Variants in MYRF observed in about 807,000 individuals in gnomAD.
MYRF encodes myelin regulatory factor.
In MYRF, 16 loss-of-function variants were observed where a neutral mutation model predicts 126.3. The ratio of observed to expected loss-of-function variants is 0.13; its 90% confidence interval spans 0.09 to 0.19. The LOEUF (loss-of-function observed/expected upper bound fraction) is 0.19. MYRF is among the 10% of genes least tolerant of loss of function. MYRF has a pLI of 1.00. For synonymous variants in MYRF, 608 were observed against 635.3 expected, an observed-to-expected ratio of 0.96 and a Z score of 0.65; for missense variants, 1,104 against 1,547.0, an observed-to-expected ratio of 0.71 and a Z score of 4.80.
chr11:61,783,471 C>T lies in MYRF; in HGVS notation c.3017-27C>T. On this transcript the variant is annotated intron_variant, in intron 22 of 26. Coordinates refer to ENST00000278836, the MANE Select transcript of MYRF (RefSeq NM_001127392.3). The surrounding 1 kb of genome is among the most constrained non-coding windows in gnomAD (Gnocchi z 4.6). ...TGCCAGCTTCTCATTTGTGTCCTGC[C>T]TTGTCACCTTACTCCTGCCCCAACA... 1.3e-6 allele frequency: 2 copies of T among 1,579,206 alleles called. No individual in the cohort carries two copies. Among genetic ancestry groups the T allele is most frequent in the Non-Finnish European group, 1.7e-6 (2 of 1,149,938 alleles).
intron 3 of MYRF, chr11:61,767,014 C>G: frequency 2.2e-6 from 1 of 456,666 alleles, no homozygotes; most frequent in Non-Finnish European, 4.4e-6. Flanking sequence ...GCCTCAGTTT[C>G]TTCTGTGAAG....
At chr11:61,779,206 G>A (rs747470486) in intron 14 of MYRF, 57 bp from the exon 15 acceptor site, 17 of 1,498,432 alleles carry the variant, frequency 1.1e-5, no homozygotes, top group Admixed American at 4.3e-5. Context: ...TGGGGCTCCC[G>A]GGGCTGACTG....
rs574895492 is a variant in MYRF, at chr11:61,758,450, C to T, written c.46+5660C>T. Among the ~76,000 whole-genome samples the T allele has an allele frequency of 6.4e-4, 97 of 152,184 alleles. 3 individuals are homozygous for T. In the South Asian group the frequency reaches 0.017, roughly 27 times the overall value. On this transcript the variant is annotated intron_variant, in intron 1 of 26. Transcript: ENST00000278836. ...TCACTCAGTGGGGCCTGGCTCCAGC[C>T]GGAGCTGCTTAGGGAGGGTCTGACA...
At chr11:61,775,921 AT>A in intron 8 of MYRF, 134 bp from the exon 9 acceptor site, 2 of 754,970 alleles carry the variant, frequency 2.6e-6, no homozygotes, top group Non-Finnish European at 4.5e-6. Context: ...GCTTGTGGGA[AT>A]CGCGGCTGAG....
intron 1 of MYRF, among the ~76,000 whole-genome samples, chr11:61,763,312 T>C (rs2065953176): frequency 1.3e-5 from 2 of 152,138 alleles, no homozygotes; most frequent in African/African-American, 4.8e-5. Context: ...TATCTGAACA[T>C]CCCCACTGTT....
chr11:61,770,991 G>A (rs748746357), intron 5 of MYRF, among the ~76,000 whole-genome samples: 1 of 152,214 alleles, frequency 6.6e-6, no homozygotes, highest in Non-Finnish European at 1.5e-5. Flanking sequence ...TTCCATGAAA[G>A]GTTTAGTTCA....
Position 61,778,781 on chromosome 11 carries a change from A to G in MYRF, c.2013+292A>G. 1.7e-6 allele frequency: 1 copy of G among 592,354 alleles called. No homozygotes were observed. The highest frequency in any genetic ancestry group is 1.5e-5 in the South Asian group (1 of 65,826). 36.7% of individuals were successfully genotyped at this position (592,354 alleles called of 1,614,324 possible). A position where few individuals can be genotyped will look rare whatever the true frequency, so the allele number is the denominator to read the frequency against. On this transcript the variant is annotated intron_variant, in intron 14 of 26. Coordinates refer to ENST00000278836, the MANE Select transcript of MYRF (RefSeq NM_001127392.3). The surrounding 1 kb of genome is among the most constrained non-coding windows in gnomAD (Gnocchi z 4.6). ...AAAATGAGGGCGGTAATAGAACTGCACAGACATCCTCGTATGGTTACCTCC... is the reference window on the plus strand; with the variant it reads ...AAAATGAGGGCGGTAATAGAACTGCGCAGACATCCTCGTATGGTTACCTCC...
At chr11:61,772,413 G>C (rs959796949) in intron 7 of MYRF, among the ~76,000 whole-genome samples, 1 of 152,228 alleles carries the variant, frequency 6.6e-6, no homozygotes, top group Non-Finnish European at 1.5e-5. Context: ...GCCGCAGGCC[G>C]GGAGCCCTGT....
At chr11:61,780,117 C>A in intron 17 of MYRF, 105 bp from the exon 18 acceptor site, 1 of 1,403,096 alleles carries the variant, frequency 7.1e-7, no homozygotes. Context: ...TTGTAGGCAT[C>A]ACCTGGGAGC....
Position 61,752,657 on chromosome 11 carries a change from C to G in MYRF, c.-88C>G, listed in dbSNP as rs1453916665. On this transcript the variant is annotated 5_prime_UTR_variant, in exon 1 of 27. Transcript: ENST00000278836. ...GACCGTAGCCGGAGCCCAGCCGGGA[C>G]TGTCGCGCGGGCCGCGCCGGCGATG... 2 of 1,072,526 alleles carry G rather than the reference C, an allele frequency of 1.9e-6. No homozygotes were observed. Among genetic ancestry groups the G allele is most frequent in the Non-Finnish European group, 2.4e-6 (2 of 848,140 alleles). The allele number at this position is 1,072,526 out of a possible 1,614,324, so 66.4% of individuals were successfully genotyped here. A position where few individuals can be genotyped will look rare whatever the true frequency, so the allele number is the denominator to read the frequency against.
intron 1 of MYRF, among the ~76,000 whole-genome samples, chr11:61,756,041 A>T (rs942938850): frequency 6.6e-6 from 1 of 152,176 alleles, no homozygotes; most frequent in African/African-American, 2.4e-5. Context: ...GTTGGACCAG[A>T]GCAGGGGCTT....
In MYRF at chr11:61,771,456, T is replaced by C. The variant is rs2066216417; in HGVS notation, c.741-44T>C. ...GTGGATACTACCCAGTGGGAGGGGC[T>C]CGGGGAGAGCCAGCCCCCACGGCGC... On this transcript the variant is annotated intron_variant, in intron 5 of 26. Coordinates refer to ENST00000278836, the MANE Select transcript of MYRF (RefSeq NM_001127392.3). 3.2e-6 allele frequency: 5 copies of C among 1,584,040 alleles called. No homozygotes were observed. The East Asian group carries it at 9.0e-5, about 28-fold the overall frequency.
chr11:61,779,374 C>G lies in MYRF; in HGVS notation c.2125C>G (p.Leu709Val), dbSNP rs1424289120. Residue 709 changes from leucine to valine, a missense_variant, in exon 15 of 27, where the codon CTG (leucine) becomes GTG (valine). Physicochemically the swap from Leu to Val is conservative, Grantham distance 32. Coordinates refer to ENST00000278836, the MANE Select transcript of MYRF (RefSeq NM_001127392.3). ...GCGCTGGAGCCACAAGCTGGCCAAG[C>G]TGCGGCGGCTCGACAGCCTCAAGTC... ...LERWSHKLAK[L>V]RRLDSLKSTG... is the part of the protein sequence containing the mutation. The G allele has an allele frequency of 6.4e-7, 1 of 1,551,292 alleles. No individual in the cohort carries two copies. The highest frequency in any genetic ancestry group is 8.7e-7 in the Non-Finnish European group (1 of 1,146,936).
In MYRF at chr11:61,770,340, G is replaced by C. The variant is rs531308836; in HGVS notation, c.555G>C (p.Leu185Phe). Residue 185 changes from leucine to phenylalanine, a missense_variant, in exon 5 of 27, where the codon TTG becomes TTC. This residue lies in a region of MYRF where 368 missense variants were observed against 403.9 expected (regional missense o/e 0.91). Transcript: ENST00000278836. ...LEHPPPPPAH[L>F]PGPPPPPPPP... ...ATCCGCCCCCACCTCCAGCCCACTT[G>C]CCAGGCCCCCCGCCACCCCCACCAC... 3.1e-5 allele frequency: 44 copies of C among 1,442,034 alleles called. No homozygotes were observed. In the African/African-American group the frequency reaches 5.4e-4, roughly 18 times the overall value. The allele number at this position is 1,442,034 out of a possible 1,614,324, so 89.3% of individuals were successfully genotyped here.
At chr11:61,769,417 G>A (rs1031878605) in intron 4 of MYRF, 96 bp downstream of exon 4, 14 of 927,406 alleles carry the variant, frequency 1.5e-5, no homozygotes, top group Admixed American at 2.0e-5. Context: ...GGGGGCCAGC[G>A]GCTGCCCAAC....
At position 61,788,031 on chromosome 11, in the gene MYRF, G is replaced by A. The variant is rs2066733973; in HGVS notation, c.*1888G>A. 1 of 152,758 alleles carries A rather than the reference G, an allele frequency of 6.5e-6. No individual in the cohort carries two copies. Among genetic ancestry groups the A allele is most frequent in the Non-Finnish European group, 1.5e-5 (1 of 68,082 alleles). 9.5% of individuals were successfully genotyped at this position (152,758 alleles called of 1,614,324 possible). ...AGGCTGGGGATCCAAGCTGCTTGAG[G>A]GGGTCAACCTTGGACCAAAGTTGCC... On this transcript the variant is annotated 3_prime_UTR_variant, in exon 27 of 27. Transcript: ENST00000278836.
chr11:61,778,955 C>T lies in MYRF; in HGVS notation c.2014-308C>T, dbSNP rs1196326338. 4.9e-6 allele frequency: 3 copies of T among 615,346 alleles called. No individual in the cohort carries two copies. In the African/African-American group the frequency reaches 5.4e-5, roughly 11 times the overall value. 38.1% of individuals were successfully genotyped at this position (615,346 alleles called of 1,614,324 possible). A position where few individuals can be genotyped will look rare whatever the true frequency, so the allele number is the denominator to read the frequency against. ...ACACCAGTCATCCGAGGGGCAGATC[C>T]CGGGGCTGCAGCCTTCAGGCTTAGG... is the stretch of plus-strand genomic sequence containing the variant. On this transcript the variant is annotated intron_variant, in intron 14 of 26. Transcript: ENST00000278836. The surrounding 1 kb of genome is among the most constrained non-coding windows in gnomAD (Gnocchi z 4.6).
Position 61,777,374 on chromosome 11 carries a change from G to T in MYRF, c.1701G>T (p.Pro567=), listed in dbSNP as rs771533300. 1.1e-5 allele frequency: 17 copies of T among 1,613,934 alleles called. No homozygotes were observed. The South Asian group carries it at 1.9e-4, about 18-fold the overall frequency. Residue 567 remains proline, a synonymous_variant, in exon 12 of 27, where the codon CCG becomes CCT. Coordinates refer to ENST00000278836, the MANE Select transcript of MYRF (RefSeq NM_001127392.3). This position sits in a 1 kb window ranked among gnomAD's most constrained non-coding sequence, Gnocchi z 8.8. ...GCGTGGGCATCAACACAGACCGGCC[G>T]GATGAGGCGCTGGTTGTGCACGGGA... The part of the protein sequence containing the change: ...HGRVGINTDR[P]DEALVVHGNV...
chr11:61,771,058 C>G (rs1036584092), intron 5 of MYRF, among the ~76,000 whole-genome samples: 1 of 152,210 alleles, frequency 6.6e-6, no homozygotes, highest in African/African-American at 2.4e-5. Flanking sequence ...GAGTGCCGTG[C>G]GGAAGCTCCC....
Sources: gnomAD v4.1 joint callset for allele counts (sites outside exome capture counted in the v4.1 genomes callset) on GRCh38, gnomAD v4.1.1 for gene constraint, gnomAD v4.1.1 regional missense constraint, Gnocchi (gnomAD v3.1) non-coding constraint, MANE v1.5 for transcripts, NCBI Gene and HGNC (gene_info 2026-07-23, HGNC 2026-07-21) for gene names.